The following PSMA5 variants were observed in gnomAD, a reference collection of about 807,000 sequenced individuals.
The protein encoded by PSMA5 is proteasome 20S subunit alpha 5, also known as proteasome subunit alpha type-5.
In PSMA5, 3 loss-of-function variants were observed where a neutral mutation model predicts 34.5. That is an observed-to-expected ratio of 0.09 (90% confidence interval 0.04 to 0.22). The LOEUF (loss-of-function observed/expected upper bound fraction) is 0.22. PSMA5 is among the 10% of genes least tolerant of loss of function. The pLI is 1.00. For missense variants in PSMA5, 120 were observed against 286.1 expected, an observed-to-expected ratio of 0.42 and a Z score of 4.19; for synonymous variants, 88 against 95.8, an observed-to-expected ratio of 0.92 and a Z score of 0.47.
chr1:109,419,202 G>T (rs1322157232), intron 2 of PSMA5, among the ~76,000 whole-genome samples: 1 of 152,070 alleles, frequency 6.6e-6, no homozygotes, highest in East Asian at 1.9e-4. Flanking sequence ...TGGAAAATGG[G>T]TTCTACCAAA....
intron 8 of PSMA5, among the ~76,000 whole-genome samples, chr1:109,407,405 A>T (rs772354463): frequency 6.6e-6 from 1 of 152,178 alleles, no homozygotes; most frequent in Non-Finnish European, 1.5e-5. Context: ...CCCAAATGTC[A>T]GTCCTTCTTA....
At chr1:109,404,230 C>T (rs1011836007) in intron 8 of PSMA5, among the ~76,000 whole-genome samples, 9 of 152,090 alleles carry the variant, frequency 5.9e-5, no homozygotes, top group East Asian at 3.9e-4. Context: ...AAGAATTGCT[C>T]GAACATGGGA....
intron 2 of PSMA5, 107 bp from the exon 3 acceptor site, chr1:109,415,470 C>T (rs1654153070): frequency 8.1e-7 from 1 of 1,233,738 alleles, no homozygotes; most frequent in South Asian, 2.0e-5. Context: ...TTCAACTGGC[C>T]ACATCTTATA....
chr1:109,421,923 G>C lies in PSMA5; in HGVS notation c.33C>G (p.Gly11=), dbSNP rs768415572. The C allele has an allele frequency of 6.6e-7, 1 of 1,513,408 alleles. No individual in the cohort carries two copies. The allele number at this position is 1,513,408 out of a possible 1,614,324, so 93.7% of individuals were successfully genotyped here. A position where few individuals can be genotyped will look rare whatever the true frequency, so the allele number is the denominator to read the frequency against. The change falls in exon 2 of 9, where the codon GGC becomes GGG. Residue 11 remains glycine, a synonymous_variant. Transcript: ENST00000271308. MFLTRSEYDR[G]VNTFSPEGRL... Reference sequence around the variant, plus strand: ...TTCCTTCGGGAGAAAAAGTATTCACGCCCCTATAATTTAAAAAAAAATTAT... The same window carrying C: ...TTCCTTCGGGAGAAAAAGTATTCACCCCCCTATAATTTAAAAAAAAATTAT...
intron 1 of PSMA5, chr1:109,425,520 G>A (rs1654620137): frequency 6.6e-6 from 1 of 152,162 alleles, no homozygotes; most frequent in South Asian, 2.1e-4. Flanking sequence ...GCATATACTT[G>A]ACAGGAAATG....
At chr1:109,402,302 G>A (rs1184614272) in intron 8 of PSMA5, among the ~76,000 whole-genome samples, 3 of 152,192 alleles carry the variant, frequency 2.0e-5, no homozygotes, top group African/African-American at 7.2e-5. Context: ...TCTATTTTAA[G>A]GTTAACTCAC....
At chr1:109,426,071 G>A in intron 1 of PSMA5, 1 of 590,184 alleles carries the variant, frequency 1.7e-6, no homozygotes, top group Non-Finnish European at 3.0e-6. Context: ...GGAGCTTCTC[G>A]CTTCCGCACC....
At chr1:109,423,853 C>T (rs946526553) in intron 1 of PSMA5, among the ~76,000 whole-genome samples, 1 of 152,222 alleles carries the variant, frequency 6.6e-6, no homozygotes, top group Admixed American at 6.5e-5. Flanking sequence ...TCCCCTAATT[C>T]AGACAATTAA....
rs879319844 is a variant in PSMA5, at chr1:109,399,501, GATGA to G, written c.*2508_*2511del. The G allele has an allele frequency of 7.2e-5, 11 of 152,238 alleles. No homozygotes were observed. Among genetic ancestry groups the G allele is most frequent in the African/African-American group, 2.2e-4 (9 of 41,452 alleles). The allele number at this position is 152,238 out of a possible 1,614,324, so 9.4% of individuals were successfully genotyped here. A position where few individuals can be genotyped will look rare whatever the true frequency, so the allele number is the denominator to read the frequency against. ...TATTTCTTTGTTTGGGTGACACAAAGATGAATGGTCTATTGTCTTACTGTCTGAA... is the reference window on the plus strand; with the variant it reads ...TATTTCTTTGTTTGGGTGACACAAAGATGGTCTATTGTCTTACTGTCTGAA... On this transcript the variant is annotated 3_prime_UTR_variant, in exon 9 of 9. Transcript: ENST00000271308.
At chr1:109,412,371 A>G (rs888591508) in intron 4 of PSMA5, 187 bp from the exon 5 acceptor site, 3 of 558,612 alleles carry the variant, frequency 5.4e-6, no homozygotes, top group Non-Finnish European at 6.4e-6. Flanking sequence ...GGAAATAAAC[A>G]TATCACAAGG....
chr1:109,407,670 G>A (rs902968086), intron 8 of PSMA5, among the ~76,000 whole-genome samples: 2 of 151,880 alleles, frequency 1.3e-5, no homozygotes, highest in Admixed American at 6.6e-5. Flanking sequence ...ACAGAGTTTC[G>A]TGCTGTTGCC....
Position 109,416,589 on chromosome 1 carries a change from G to A in PSMA5, c.97-1226C>T, listed in dbSNP as rs183863626. 4.6e-5 allele frequency among the ~76,000 whole-genome samples: 7 copies of A among 152,336 alleles called. No homozygotes were observed. In the East Asian group the frequency reaches 1.3e-3, roughly 29 times the overall value. ...CTGCCAAGTGTGAGCACTGCAAAGA[G>A]TTCCAAAGAATCCCACGAATCTTTA... On this transcript the variant is annotated intron_variant, in intron 2 of 8. Transcript: ENST00000271308.
intron 8 of PSMA5, among the ~76,000 whole-genome samples, 180 bp downstream of exon 8, chr1:109,409,748 T>TA (rs1358795014): frequency 6.6e-6 from 1 of 151,890 alleles, no homozygotes; most frequent in Non-Finnish European, 1.5e-5. Context: ...ACCCCATCTC[T>TA]AAAAAAATTA....
At chr1:109,421,546 T>G (rs1218003924) in intron 2 of PSMA5, among the ~76,000 whole-genome samples, 1 of 151,358 alleles carries the variant, frequency 6.6e-6, no homozygotes, top group Non-Finnish European at 1.5e-5. Flanking sequence ...ACAGAAAAAG[T>G]AATACAGGTG....
chr1:109,420,489 C>T (rs761178115), intron 2 of PSMA5, among the ~76,000 whole-genome samples: 2 of 152,170 alleles, frequency 1.3e-5, no homozygotes, highest in Non-Finnish European at 2.9e-5. Flanking sequence ...TGATGCAGGC[C>T]TCAAGAATTG....
intron 2 of PSMA5, among the ~76,000 whole-genome samples, chr1:109,417,076 G>A (rs557891914): frequency 6.6e-6 from 1 of 152,320 alleles, no homozygotes; most frequent in East Asian, 1.9e-4. Context: ...TTGCATTCCA[G>A]CCTGGACAAC....
chr1:109,411,195 T>G, intron 6 of PSMA5, 82 bp from the exon 7 acceptor site: 1 of 930,272 alleles, frequency 1.1e-6, no homozygotes, highest in South Asian at 1.5e-5. Context: ...AAACAAAGTA[T>G]AAATGCTTGG....
At chr1:109,402,862 C>T (rs780141892) in intron 8 of PSMA5, among the ~76,000 whole-genome samples, 5 of 152,134 alleles carry the variant, frequency 3.3e-5, no homozygotes, top group Admixed American at 6.5e-5. Flanking sequence ...TGCGCCACCA[C>T]ACCCGGCTAA....
At chr1:109,408,759 C>T (rs765923101) in intron 8 of PSMA5, among the ~76,000 whole-genome samples, 1 of 151,522 alleles carries the variant, frequency 6.6e-6, no homozygotes, top group Non-Finnish European at 1.5e-5. Flanking sequence ...GGTGCAATCT[C>T]GGCTCACTGT....
Sources: gnomAD v4.1 joint callset for allele counts (sites outside exome capture counted in the v4.1 genomes callset) on GRCh38, gnomAD v4.1.1 for gene constraint, MANE v1.5 for transcripts, NCBI Gene and HGNC (gene_info 2026-07-23, HGNC 2026-07-21) for gene names.